The following NBEA variants were observed in gnomAD, a reference collection of about 807,000 sequenced individuals.
NBEA encodes neurobeachin, also known as lysosomal-trafficking regulator 2.
A neutral mutation model predicts 343.4 loss-of-function variants in NBEA; 44 were observed. That is an observed-to-expected ratio of 0.13 (90% CI 0.10 to 0.16). NBEA has a LOEUF of 0.16. Among genes scored for constraint, NBEA ranks in the 10% least tolerant of loss-of-function variants. NBEA has a pLI of 1.00. For synonymous variants in NBEA, 1,175 were observed against 1,238.7 expected, an observed-to-expected ratio of 0.95 and a Z score of 1.08; for missense variants, 2,555 against 3,631.3, an observed-to-expected ratio of 0.70 and a Z score of 7.62.
intron 17 of NBEA, among the ~76,000 whole-genome samples, chr13:35,126,892 C>T (rs1193696840): frequency 6.7e-6 from 1 of 149,532 alleles, no homozygotes; most frequent in African/African-American, 2.5e-5. Context: ...CATTCCAGAG[C>T]CTGGGAAGCA....
chr13:34,986,190 C>G (rs2060539752), intron 1 of NBEA, among the ~76,000 whole-genome samples: 1 of 148,584 alleles, frequency 6.7e-6, no homozygotes, highest in East Asian at 1.9e-4. Context: ...AAATTTCCCT[C>G]TACACACTGC....
At chr13:35,081,942 G>C (rs1004255783) in intron 10 of NBEA, among the ~76,000 whole-genome samples, 1 of 151,842 alleles carries the variant, frequency 6.6e-6, no homozygotes. Context: ...TATACTTTAA[G>C]TTTTAGGGTA....
intron 36 of NBEA, among the ~76,000 whole-genome samples, chr13:35,327,658 A>G (rs2038658876): frequency 6.6e-6 from 1 of 151,940 alleles, no homozygotes; most frequent in Middle Eastern, 3.2e-3. Context: ...ACAAGGGCTT[A>G]AAGACTATCT....
intron 40 of NBEA, among the ~76,000 whole-genome samples, chr13:35,456,115 A>T (rs2046569262): frequency 6.6e-6 from 1 of 152,124 alleles, no homozygotes; most frequent in African/African-American, 2.4e-5. Context: ...TATGATAAAT[A>T]GAATGCTTTT....
At chr13:35,086,586 G>T (rs1195685990) in intron 10 of NBEA, among the ~76,000 whole-genome samples, 2 of 151,904 alleles carry the variant, frequency 1.3e-5, no homozygotes. Context: ...TGATTTCATA[G>T]CTTTGCTTTT....
At chr13:35,091,734 C>T (rs1442771429) in intron 10 of NBEA, among the ~76,000 whole-genome samples, 1 of 151,876 alleles carries the variant, frequency 6.6e-6, no homozygotes, top group Non-Finnish European at 1.5e-5. Context: ...ATAAATTTCA[C>T]AAAACATGTA....
intron 17 of NBEA, among the ~76,000 whole-genome samples, chr13:35,127,703 C>T (rs2067202554): frequency 6.6e-6 from 1 of 151,936 alleles, no homozygotes; most frequent in Non-Finnish European, 1.5e-5. Flanking sequence ...TAGGGAAATA[C>T]CCTTTTTAAA....
chr13:34,968,843 CAT>C (rs374609173), intron 1 of NBEA, among the ~76,000 whole-genome samples: 2 of 151,220 alleles, frequency 1.3e-5, no homozygotes, highest in Non-Finnish European at 3.0e-5. Context: ...TTTTTAAACA[CAT>C]ATGCTGTGAT....
At chr13:35,060,971 T>A (rs530731846) in intron 8 of NBEA, among the ~76,000 whole-genome samples, 1 of 151,680 alleles carries the variant, frequency 6.6e-6, no homozygotes, top group Non-Finnish European at 1.5e-5. Flanking sequence ...AGTATTTATA[T>A]TTTTTTGCCT....
intron 17 of NBEA, among the ~76,000 whole-genome samples, chr13:35,130,976 T>G (rs2067391273): frequency 6.6e-6 from 1 of 152,094 alleles, no homozygotes. Context: ...TTGGTCTAAA[T>G]GATACTAGAG....
At chr13:35,291,215 A>G (rs1302410081) in intron 35 of NBEA, among the ~76,000 whole-genome samples, 1 of 151,878 alleles carries the variant, frequency 6.6e-6, no homozygotes, top group African/African-American at 2.4e-5. Context: ...TGTAATAAGC[A>G]GTTATTATCT....
At chr13:35,261,069 C>T (rs1465685653) in intron 34 of NBEA, among the ~76,000 whole-genome samples, 2 of 152,086 alleles carry the variant, frequency 1.3e-5, no homozygotes, top group Non-Finnish European at 2.9e-5. Flanking sequence ...TACCCAGCAT[C>T]CAAACATAAT....
At chr13:35,494,421 T>A (rs1288997638) in intron 41 of NBEA, among the ~76,000 whole-genome samples, 1 of 152,030 alleles carries the variant, frequency 6.6e-6, no homozygotes, top group Non-Finnish European at 1.5e-5. Context: ...TGTAGTCTGA[T>A]AAATTAAGAT....
intron 41 of NBEA, among the ~76,000 whole-genome samples, chr13:35,489,807 C>T (rs1228735254): frequency 6.6e-6 from 1 of 151,786 alleles, no homozygotes; most frequent in Non-Finnish European, 1.5e-5. Flanking sequence ...ACTGGGAAAT[C>T]AAACCTACAA....
At chr13:35,465,133 TC>T (rs1416195528) in intron 40 of NBEA, among the ~76,000 whole-genome samples, 2 of 152,260 alleles carry the variant, frequency 1.3e-5, no homozygotes. Context: ...AATACAGTTA[TC>T]TTTTATATTT....
At chr13:35,621,363 C>A (rs2082983029) in intron 48 of NBEA, among the ~76,000 whole-genome samples, 1 of 152,090 alleles carries the variant, frequency 6.6e-6, no homozygotes. Context: ...CTTTATAGTT[C>A]ATTTCTTCAC....
At chr13:35,196,799 G>C (rs537863763) in intron 31 of NBEA, among the ~76,000 whole-genome samples, 53 of 152,078 alleles carry the variant, frequency 3.5e-4, no homozygotes, top group African/African-American at 1.3e-3. Context: ...AATTGTTTGT[G>C]GTCATCTTCT....
intron 17 of NBEA, among the ~76,000 whole-genome samples, chr13:35,138,882 C>G (rs1310946179): frequency 2.0e-5 from 3 of 151,916 alleles, no homozygotes; most frequent in African/African-American, 7.3e-5. Context: ...TTCCTCTCAT[C>G]CTGTCATTTA....
intron 41 of NBEA, chr13:35,474,647 T>C (rs1411915233): frequency 6.1e-6 from 1 of 163,498 alleles, no homozygotes; most frequent in Admixed American, 5.9e-5. Context: ...AAATATACAT[T>C]ACAGTTTCTT....
Sources: gnomAD v4.1 joint callset for allele counts (sites outside exome capture counted in the v4.1 genomes callset) on GRCh38, gnomAD v4.1.1 for gene constraint, MANE v1.5 for transcripts, NCBI Gene and HGNC (gene_info 2026-07-23, HGNC 2026-07-21) for gene names.